Variants in RIPOR3 observed in about 807,000 individuals in gnomAD.
The protein encoded by RIPOR3 is family with sequence similarity 65 member C.
A neutral mutation model predicts 114.3 loss-of-function variants in RIPOR3; 95 were observed. The observed-to-expected ratio is 0.83, with a 90% confidence interval of 0.70 to 0.99. The LOEUF is 0.99. RIPOR3 is among the 50% of genes least tolerant of loss of function. The pLI is 0.00. For synonymous variants in RIPOR3, 575 were observed against 543.8 expected, an observed-to-expected ratio of 1.06 and a Z score of -0.80; for missense variants, 1,252 against 1,266.9, an observed-to-expected ratio of 0.99 and a Z score of 0.18.
At chr20:50,616,148 T>C (rs548295802) in intron 3 of RIPOR3, 68 bp from the exon 4 acceptor site, 3 of 1,495,082 alleles carry the variant, frequency 2.0e-6, no homozygotes, top group East Asian at 2.4e-5. Flanking sequence ...GTAGGCCAAA[T>C]GGACAATGTC....
rs539425136 is a variant in RIPOR3, at chr20:50,598,051, G to T, written c.1660-341C>A. Among the ~76,000 whole-genome samples the T allele has an allele frequency of 3.3e-5, 5 of 152,350 alleles. No homozygotes were observed. The South Asian group carries it at 1.0e-3, about 32-fold the overall frequency. On this transcript the variant is annotated intron_variant, in intron 13 of 21. Coordinates refer to ENST00000327979, the MANE Select transcript of RIPOR3 (RefSeq NM_001290268.2). ...GGGGACCAGGGAGGCAGGAGCGCAG[G>T]TGCCTCCCCTAAGAGGGGGCCACGC...
chr20:50,649,318 AC>A (rs2085520720), intron 1 of RIPOR3, among the ~76,000 whole-genome samples: 2 of 152,108 alleles, frequency 1.3e-5, no homozygotes, highest in Admixed American at 1.3e-4. Context: ...GGTGGTGGGT[AC>A]CTGTAATCCC....
At chr20:50,589,852 G>C (rs1234574194) in intron 19 of RIPOR3, 83 bp from the exon 20 acceptor site, 4 of 1,220,840 alleles carry the variant, frequency 3.3e-6, no homozygotes, top group Non-Finnish European at 4.7e-6. Context: ...ACCAGGTGCC[G>C]ACAGTAAGGC....
chr20:50,634,145 C>A (rs2084910512), intron 1 of RIPOR3, among the ~76,000 whole-genome samples: 1 of 152,054 alleles, frequency 6.6e-6, no homozygotes, highest in African/African-American at 2.4e-5. Context: ...CCATTCCCAG[C>A]TAATTTTTGT....
intron 1 of RIPOR3, among the ~76,000 whole-genome samples, chr20:50,640,302 G>A (rs2085142041): frequency 6.6e-6 from 1 of 151,620 alleles, no homozygotes; most frequent in Non-Finnish European, 1.5e-5. Context: ...TGGAGGAGCT[G>A]GCTGGATTCC....
rs549675711 is a variant in RIPOR3 at position 50,628,541 on chromosome 20, C to G, written c.122+2197G>C. On this transcript the variant is annotated intron_variant, in intron 2 of 21. Transcript: ENST00000327979. Reference sequence around the variant, plus strand: ...CACGCGCAGATCCACTTCTTCTGTCCCTTCCTGCCTCCACTCCCCATGCCC... The same window carrying G: ...CACGCGCAGATCCACTTCTTCTGTCGCTTCCTGCCTCCACTCCCCATGCCC... Among the ~76,000 whole-genome samples the G allele has an allele frequency of 3.2e-3, 484 of 152,236 alleles. 2 individuals carry two copies. The highest frequency in any genetic ancestry group is 5.9e-3 in the Non-Finnish European group (399 of 67,990).
At chr20:50,596,681 GCTA>G (rs1354238541) in intron 14 of RIPOR3, among the ~76,000 whole-genome samples, 1 of 152,190 alleles carries the variant, frequency 6.6e-6, no homozygotes, top group Non-Finnish European at 1.5e-5. Context: ...TGTGGTAGAG[GCTA>G]GACCTGCTGC....
chr20:50,627,769 C>A lies in RIPOR3; in HGVS notation c.122+2969G>T, dbSNP rs117630832. Among the ~76,000 whole-genome samples, 70 of 152,316 alleles carry A rather than the reference C, an allele frequency of 4.6e-4. 2 individuals carry two copies. In the East Asian group the frequency reaches 0.012, roughly 26 times the overall value. On this transcript the variant is annotated intron_variant, in intron 2 of 21. Transcript: ENST00000327979. ...GCAGTGAATCGAGATCGCACCACTGCACTACAACCTGGGCGACAGAATGAC... is the reference window on the plus strand; with the variant it reads ...GCAGTGAATCGAGATCGCACCACTGAACTACAACCTGGGCGACAGAATGAC...
chr20:50,668,084 G>C (rs894925019), intron 1 of RIPOR3, among the ~76,000 whole-genome samples: 1 of 152,192 alleles, frequency 6.6e-6, no homozygotes, highest in Non-Finnish European at 1.5e-5. Context: ...ATTCTGCCAT[G>C]GGAGTATGAC....
At chr20:50,622,861 A>G (rs752373762) in intron 2 of RIPOR3, among the ~76,000 whole-genome samples, 4 of 152,208 alleles carry the variant, frequency 2.6e-5, no homozygotes, top group Non-Finnish European at 4.4e-5. Flanking sequence ...TGAGAATTCT[A>G]TTAGATGCCA....
intron 1 of RIPOR3, among the ~76,000 whole-genome samples, chr20:50,641,066 C>T (rs555153311): frequency 2.0e-5 from 3 of 151,892 alleles, no homozygotes; most frequent in African/African-American, 4.8e-5. Flanking sequence ...TGCACCACCA[C>T]GCCTGGGTAA....
intron 1 of RIPOR3, among the ~76,000 whole-genome samples, chr20:50,677,465 G>A (rs113377466): frequency 7.6e-4 from 113 of 149,434 alleles, no homozygotes; most frequent in African/African-American, 2.4e-3. Context: ...TCCACCTCCC[G>A]GGTTCGAGCG....
chr20:50,640,361 G>T (rs1432344762), intron 1 of RIPOR3, among the ~76,000 whole-genome samples: 1 of 150,978 alleles, frequency 6.6e-6, no homozygotes, highest in Non-Finnish European at 1.5e-5. Flanking sequence ...ACCTGCCTGA[G>T]ACCTGCCTTC....
rs1322684870 is a variant in RIPOR3, at chr20:50,596,162, T to C, written c.1892A>G (p.Gln631Arg). 8.1e-6 allele frequency: 13 copies of C among 1,614,158 alleles called. No individual in the cohort carries two copies. The highest frequency in any genetic ancestry group is 9.3e-6 in the Non-Finnish European group (11 of 1,180,026). ...CACCTGCAGCAGAGCTTTGCAGACT[T>C]GGAGGTGTACCATCAGCAGCACGTC... ...ELDVLLMVHL[Q>R]VCKALLQKLA... Residue 631 changes from glutamine (Q) to arginine (R), a missense_variant, in exon 15 of 22, where the codon CAA (glutamine) becomes CGA (arginine). Physicochemically the swap from Gln to Arg is conservative, Grantham distance 43 (BLOSUM62 1). Transcript: ENST00000327979.
At chr20:50,588,749 GAAAA>G (rs869194473) in intron 20 of RIPOR3, among the ~76,000 whole-genome samples, 2 of 58,452 alleles carry the variant, frequency 3.4e-5, no homozygotes, top group Non-Finnish European at 6.9e-5. Flanking sequence ...ATTCTCAAGT[GAAAA>G]AAAAAAAAAA....
intron 19 of RIPOR3, among the ~76,000 whole-genome samples, chr20:50,591,343 T>A (rs1423634096): frequency 2.6e-5 from 4 of 152,168 alleles, no homozygotes; most frequent in Non-Finnish European, 5.9e-5. Context: ...TAGTTAACTA[T>A]TTAAGGTCAA....
At chr20:50,621,028 G>A (rs879109871) in intron 2 of RIPOR3, 10 of 484,534 alleles carry the variant, frequency 2.1e-5, no homozygotes, top group East Asian at 1.1e-4. Flanking sequence ...AGGAGGAGCC[G>A]AGCCAATGTC....
At chr20:50,624,815 C>CA (rs1366788827) in intron 2 of RIPOR3, among the ~76,000 whole-genome samples, 1 of 152,226 alleles carries the variant, frequency 6.6e-6, no homozygotes, top group African/African-American at 2.4e-5. Context: ...GTGTGGTTGG[C>CA]AGAGGCCTTG....
chr20:50,622,186 T>C (rs994911886), intron 2 of RIPOR3, among the ~76,000 whole-genome samples: 10 of 144,548 alleles, frequency 6.9e-5, no homozygotes, highest in South Asian at 2.1e-4. Context: ...TCAGTTCTCT[T>C]TTTTTTTTTT....
Sources: allele counts gnomAD v4.1 joint callset (sites outside exome capture counted in the v4.1 genomes callset), GRCh38; gene constraint gnomAD v4.1.1; transcripts MANE v1.5; gene names NCBI Gene and HGNC (gene_info 2026-07-23, HGNC 2026-07-21).